LMBRD1: variants seen among roughly 807,000 people sequenced by gnomAD.
LMBRD1 encodes lysosomal cobalamin transport escort protein LMBD1.
Under a neutral mutation model 74.8 loss-of-function variants are expected in LMBRD1, and 64 were observed. The ratio of observed to expected loss-of-function variants is 0.86; its 90% confidence interval spans 0.70 to 1.05. LMBRD1 has a LOEUF of 1.05. Among genes scored for constraint, LMBRD1 ranks in the 50% least tolerant of loss-of-function variants. The pLI, the probability that LMBRD1 is intolerant of heterozygous loss-of-function variation, is 0.00. For missense variants in LMBRD1, 652 were observed against 645.9 expected, an observed-to-expected ratio of 1.01 and a Z score of -0.10; for synonymous variants, 204 against 216.3, an observed-to-expected ratio of 0.94 and a Z score of 0.50.
At chr6:69,719,180 AG>A (rs1462626778) in intron 7 of LMBRD1, 99 bp from the exon 8 acceptor site, 2 of 1,097,570 alleles carry the variant, frequency 1.8e-6, no homozygotes, top group Non-Finnish European at 2.7e-6. Flanking sequence ...AAGAGTCAGC[AG>A]TTGTGAAAGA....
At chr6:69,766,668 G>C (rs942411072) in intron 3 of LMBRD1, among the ~76,000 whole-genome samples, 1 of 151,544 alleles carries the variant, frequency 6.6e-6, no homozygotes, top group African/African-American at 2.4e-5. Flanking sequence ...CAAGTGAGTT[G>C]GGAAGTGTTC....
At position 69,718,968 on chromosome 6, in the gene LMBRD1, C is replaced by T. The variant is rs529198629; in HGVS notation, c.750G>A (p.Thr250=). ...AACATCAACTCACTTTTGATTTAAT[C>T]GTTTGAATGTGTTGTTCTACTTCTT... ...DIEEVEQHIQ[T]IKSKSKDGRP... Residue 250 remains threonine, a synonymous_variant, in exon 8 of 16, where the codon ACG becomes ACA. Coordinates refer to ENST00000649934, the MANE Select transcript of LMBRD1 (RefSeq NM_018368.4). The T allele has an allele frequency of 6.7e-5, 108 of 1,613,308 alleles. 1 individual carries two copies. In the South Asian group the frequency reaches 9.7e-4, roughly 14 times the overall value.
At chr6:69,691,737 G>A (rs2445959) in intron 14 of LMBRD1, among the ~76,000 whole-genome samples, 79,040 of 151,560 alleles carry the variant, frequency 0.52, 21,197 homozygotes, top group Non-Finnish European at 0.58. Context: ...TTAGCTGGGC[G>A]TGGTGGCGGG....
chr6:69,782,980 C>T (rs1689663413), intron 2 of LMBRD1, among the ~76,000 whole-genome samples: 2 of 151,308 alleles, frequency 1.3e-5, no homozygotes, highest in Admixed American at 1.3e-4. Context: ...AAATTTACTA[C>T]TGTACATGCA....
At chr6:69,738,708 C>A (rs960404795) in intron 6 of LMBRD1, among the ~76,000 whole-genome samples, 12 of 152,060 alleles carry the variant, frequency 7.9e-5, no homozygotes, top group Middle Eastern at 3.4e-3. Flanking sequence ...ATGACACTTT[C>A]ACATAAATAT....
intron 14 of LMBRD1, among the ~76,000 whole-genome samples, chr6:69,685,334 G>T (rs1033551745): frequency 2.0e-5 from 3 of 152,198 alleles, no homozygotes; most frequent in Non-Finnish European, 4.4e-5. Flanking sequence ...AGACTTGTAA[G>T]CGTTAAATAG....
At chr6:69,789,411 T>C (rs934491386) in intron 2 of LMBRD1, among the ~76,000 whole-genome samples, 2 of 151,828 alleles carry the variant, frequency 1.3e-5, no homozygotes, top group South Asian at 2.1e-4. Context: ...TCTGTATTCC[T>C]AGCTACTTGG....
intron 7 of LMBRD1, among the ~76,000 whole-genome samples, chr6:69,732,041 G>A (rs1438680350): frequency 3.3e-5 from 5 of 151,994 alleles, no homozygotes; most frequent in African/African-American, 9.7e-5. Flanking sequence ...ATAAAGTAAC[G>A]GTGCACCTTA....
chr6:69,704,027 A>G (rs1268535018), intron 9 of LMBRD1, among the ~76,000 whole-genome samples: 2 of 152,030 alleles, frequency 1.3e-5, no homozygotes, highest in African/African-American at 4.8e-5. Flanking sequence ...GAAATGACAC[A>G]GACAGAGAAG....
In LMBRD1 at chr6:69,749,423, GA is replaced by G. The variant is rs771532502; in HGVS notation, c.406-16del. 6.2e-7 allele frequency: 1 copy of G among 1,601,882 alleles called. No homozygotes were observed. Among genetic ancestry groups the G allele is most frequent in the Non-Finnish European group, 8.5e-7 (1 of 1,169,834 alleles). On this transcript the variant is annotated splice_polypyrimidine_tract_variant and intron_variant, in intron 4 of 15. Coordinates refer to ENST00000649934, the MANE Select transcript of LMBRD1 (RefSeq NM_018368.4). Reference sequence around the variant, plus strand: ...GTTTTAATTTGCTAGATGCCAAGGAGAAAAAAGTATAACATTTAGCAAGCCC... The same window carrying G: ...GTTTTAATTTGCTAGATGCCAAGGAGAAAAAGTATAACATTTAGCAAGCCC...
chr6:69,729,913 G>C (rs1431941602), intron 7 of LMBRD1, among the ~76,000 whole-genome samples: 2 of 151,054 alleles, frequency 1.3e-5, no homozygotes, highest in Non-Finnish European at 3.0e-5. Flanking sequence ...TAACTTTTAA[G>C]GTCTTTAAAC....
intron 3 of LMBRD1, among the ~76,000 whole-genome samples, chr6:69,765,280 T>C (rs1296551465): frequency 3.3e-5 from 5 of 152,134 alleles, no homozygotes; most frequent in South Asian, 2.1e-4. Flanking sequence ...AGGTCTATGA[T>C]TGATTTTTGA....
At chr6:69,763,228 A>C (rs1031081701) in intron 3 of LMBRD1, among the ~76,000 whole-genome samples, 1 of 115,200 alleles carries the variant, frequency 8.7e-6, no homozygotes, top group African/African-American at 3.5e-5. Context: ...GAATAAAAAG[A>C]AAAAAGAAAA....
chr6:69,790,957 T>C (rs1429875701), intron 1 of LMBRD1, among the ~76,000 whole-genome samples: 4 of 152,212 alleles, frequency 2.6e-5, no homozygotes, highest in South Asian at 2.1e-4. Context: ...GTAATCACCA[T>C]GCAATTATCA....
chr6:69,678,441 T>C (rs954098292), intron 14 of LMBRD1, among the ~76,000 whole-genome samples: 1 of 151,956 alleles, frequency 6.6e-6, no homozygotes, highest in African/African-American at 2.4e-5. Flanking sequence ...TGAAAAAAAA[T>C]CTGGCATAAG....
At chr6:69,760,028 A>G (rs1442646072) in intron 3 of LMBRD1, among the ~76,000 whole-genome samples, 1 of 152,210 alleles carries the variant, frequency 6.6e-6, no homozygotes, top group East Asian at 1.9e-4. Context: ...GAGCAACTAG[A>G]AGGCTTATGT....
chr6:69,784,212 T>G (rs1366753319), intron 2 of LMBRD1, among the ~76,000 whole-genome samples: 1 of 152,174 alleles, frequency 6.6e-6, no homozygotes, highest in Non-Finnish European at 1.5e-5. Flanking sequence ...TTCAGAGTCA[T>G]TTAGGACACA....
In LMBRD1 at chr6:69,787,925, T is replaced by A. The variant is rs181050952; in HGVS notation, c.246+2371A>T. On this transcript the variant is annotated intron_variant, in intron 2 of 15. Coordinates refer to ENST00000649934, the MANE Select transcript of LMBRD1 (RefSeq NM_018368.4). The stretch of plus-strand genomic sequence containing the variant: ...GTATTAAAACAAGCACCCTCAATTT[T>A]TATAGTTAATATTTTTGCTTCTTTA... 9.7e-3 allele frequency among the ~76,000 whole-genome samples: 1,478 copies of A among 152,316 alleles called. 11 individuals carry two copies. Among genetic ancestry groups the A allele is most frequent in the Non-Finnish European group, 0.016 (1,089 of 68,016 alleles).
chr6:69,772,544 C>G (rs2345564), intron 3 of LMBRD1, among the ~76,000 whole-genome samples: 94,333 of 151,814 alleles, frequency 0.62, 29,623 homozygotes, highest in East Asian at 0.74. Context: ...CAAATTCTTA[C>G]GCTACTAGGT....
Sources: gnomAD v4.1 joint callset for allele counts (sites outside exome capture counted in the v4.1 genomes callset) on GRCh38, gnomAD v4.1.1 for gene constraint, MANE v1.5 for transcripts, NCBI Gene and HGNC (gene_info 2026-07-23, HGNC 2026-07-21) for gene names.